Variants in MAB21L3 observed in about 807,000 individuals in gnomAD.
MAB21L3 encodes the protein mab-21 like 3, also known as protein mab-21-like 3.
MAB21L3 carries 36 observed loss-of-function variants against 37.7 expected under a neutral mutation model. That is an observed-to-expected ratio of 0.96 (90% confidence interval 0.73 to 1.26). The LOEUF is 1.26. Ranked by LOEUF, MAB21L3 falls within the 50% of genes most tolerant of loss-of-function variation. The probability of loss-of-function intolerance (pLI) is 0.00; values close to 1 mark genes in which losing one functional copy is unlikely to be tolerated. For synonymous variants in MAB21L3, 186 were observed against 176.8 expected, an observed-to-expected ratio of 1.05 and a Z score of -0.41; for missense variants, 430 against 447.3, an observed-to-expected ratio of 0.96 and a Z score of 0.35.
chr1:116,136,662 G>A lies in MAB21L3; in HGVS notation c.*3297G>A, dbSNP rs1660205146. On this transcript the variant is annotated 3_prime_UTR_variant, in exon 8 of 8. Transcript: ENST00000369500. ...ATGGAACCAAAAAAGAGCCTGCATTGCCAAGTCAATTCTAAGCCAAAAGAA... is the reference window on the plus strand; with the variant it reads ...ATGGAACCAAAAAAGAGCCTGCATTACCAAGTCAATTCTAAGCCAAAAGAA... Among the ~76,000 whole-genome samples the A allele has an allele frequency of 6.6e-6, 1 of 152,146 alleles. No individual in the cohort carries two copies. The highest frequency in any genetic ancestry group is 1.5e-5 in the Non-Finnish European group (1 of 68,044).
rs773287860 is a variant in MAB21L3, at chr1:116,117,158, C to CATATATATATATATATAT, written c.49-3771_49-3770insTATATATATATATATATA. On this transcript the variant is annotated intron_variant, in intron 3 of 7. Transcript: ENST00000369500. ...TTATTAACTCAGGAATCAAAATATA[C>CATATATATATATATATAT]ATACATATATATATATATATATATA... Among the ~76,000 whole-genome samples the CATATATATATATATATAT allele has an allele frequency of 1.7e-3, 146 of 85,994 alleles. 5 individuals are homozygous for CATATATATATATATATAT. Among genetic ancestry groups the CATATATATATATATATAT allele is most frequent in the Admixed American group, 6.4e-3 (50 of 7,822 alleles). The allele number at this position is 85,994 out of a possible 152,430, so 56.4% of individuals were successfully genotyped here. A position where few individuals can be genotyped will look rare whatever the true frequency, so the allele number is the denominator to read the frequency against.
Position 116,133,370 on chromosome 1 carries a change from T to G in MAB21L3, c.*5T>G. The G allele has an allele frequency of 6.2e-7, 1 of 1,612,526 alleles. No individual in the cohort carries two copies. Among genetic ancestry groups the G allele is most frequent in the Non-Finnish European group, 8.5e-7 (1 of 1,178,550 alleles). Reference sequence around the variant, plus strand: ...CCCCAGATCGGCCCGCCCTGATGGTTGCCCCGGCCTGGGAGGCTCTTGGAC... The same window carrying G: ...CCCCAGATCGGCCCGCCCTGATGGTGGCCCCGGCCTGGGAGGCTCTTGGAC... On this transcript the variant is annotated 3_prime_UTR_variant, in exon 8 of 8. Coordinates refer to ENST00000369500, the MANE Select transcript of MAB21L3 (RefSeq NM_152367.3).
rs531771373 is a variant in MAB21L3 at position 116,137,605 on chromosome 1, C to T, written c.*4240C>T. 9.3e-5 allele frequency among the ~76,000 whole-genome samples: 14 copies of T among 150,268 alleles called. No individual in the cohort carries two copies. The South Asian group carries it at 1.5e-3, about 16-fold the overall frequency. On this transcript the variant is annotated 3_prime_UTR_variant, in exon 8 of 8. Coordinates refer to ENST00000369500, the MANE Select transcript of MAB21L3 (RefSeq NM_152367.3). ...ATCTAGAACTAGAAATACCATTTGA[C>T]CCAGCCATCCCATTACTGGGTATAT...
chr1:116,133,479 C>A lies in MAB21L3; in HGVS notation c.*114C>A. 1 of 904,026 alleles carries A rather than the reference C, an allele frequency of 1.1e-6. No individual in the cohort carries two copies. Among genetic ancestry groups the A allele is most frequent in the Non-Finnish European group, 1.7e-6 (1 of 588,740 alleles). 56.0% of individuals were successfully genotyped at this position (904,026 alleles called of 1,614,324 possible). On this transcript the variant is annotated 3_prime_UTR_variant, in exon 8 of 8. Coordinates refer to ENST00000369500, the MANE Select transcript of MAB21L3 (RefSeq NM_152367.3). ...TGCCTAGGAGAAAGGCCACGAATGG[C>A]AGCGGAAATTACATCAAACCAGAAA...
intron 4 of MAB21L3, among the ~76,000 whole-genome samples, chr1:116,122,359 A>T (rs2101613121): frequency 6.6e-6 from 1 of 152,368 alleles, no homozygotes. Flanking sequence ...AGTGACTAGA[A>T]ATAGAGATAT....
chr1:116,122,656 G>C (rs1001597980), intron 4 of MAB21L3, among the ~76,000 whole-genome samples: 1 of 152,176 alleles, frequency 6.6e-6, no homozygotes, highest in African/African-American at 2.4e-5. Flanking sequence ...AACCTCCCAG[G>C]CTTAAGTGAT....
rs149144135 is a variant in MAB21L3, at chr1:116,125,379, A to G, written c.481+1022A>G. 9.5e-3 allele frequency among the ~76,000 whole-genome samples: 1,447 copies of G among 152,352 alleles called. 13 individuals are homozygous for G. Among genetic ancestry groups the G allele is most frequent in the Non-Finnish European group, 0.015 (1,021 of 68,028 alleles). ...ATTGTGCACCAGGATATTCTCTGCC[A>G]TAGGTTTTATAATAGTAAATAGCTA... On this transcript the variant is annotated intron_variant, in intron 5 of 7. Transcript: ENST00000369500.
chr1:116,124,426 T>C (rs1309634671), intron 5 of MAB21L3, 69 bp downstream of exon 5: 2 of 1,455,706 alleles, frequency 1.4e-6, no homozygotes, highest in Admixed American at 2.0e-5. Flanking sequence ...AAACCTCTGT[T>C]TGGGTGTTAC....
At chr1:116,118,245 G>C (rs1557928392) in intron 3 of MAB21L3, among the ~76,000 whole-genome samples, 1 of 152,054 alleles carries the variant, frequency 6.6e-6, no homozygotes, top group Non-Finnish European at 1.5e-5. Flanking sequence ...AGCCAGGTGT[G>C]GTGGCACGTG....
At chr1:116,129,298 T>A (rs561262186) in intron 7 of MAB21L3, among the ~76,000 whole-genome samples, 1 of 152,328 alleles carries the variant, frequency 6.6e-6, no homozygotes, top group African/African-American at 2.4e-5. Context: ...TCTCAAATTG[T>A]GAACCACACA....
At chr1:116,127,688 C>T in intron 6 of MAB21L3, 44 bp downstream of exon 6, 1 of 1,555,904 alleles carries the variant, frequency 6.4e-7, no homozygotes. Flanking sequence ...GTGATGCCAA[C>T]AGCTTAACCA....
At chr1:116,126,385 C>T (rs78141637) in intron 5 of MAB21L3, among the ~76,000 whole-genome samples, 11,166 of 152,188 alleles carry the variant, frequency 0.073, 503 homozygotes, top group East Asian at 0.14. Flanking sequence ...GGTTGGAAAA[C>T]GAGGCAATGG....
At chr1:116,117,026 C>T (rs1010086956) in intron 3 of MAB21L3, among the ~76,000 whole-genome samples, 10 of 151,838 alleles carry the variant, frequency 6.6e-5, no homozygotes, top group African/African-American at 1.2e-4. Context: ...CTACTCTTCA[C>T]GTGTGTTATG....
chr1:116,137,690 G>T lies in MAB21L3; in HGVS notation c.*4325G>T, dbSNP rs2101622827. ...CACATGCACACGTATGTTTATTGCGGCATTATTCACAATAGCAGACTTGGA... is the reference window on the plus strand; with the variant it reads ...CACATGCACACGTATGTTTATTGCGTCATTATTCACAATAGCAGACTTGGA... On this transcript the variant is annotated 3_prime_UTR_variant, in exon 8 of 8. Coordinates refer to ENST00000369500, the MANE Select transcript of MAB21L3 (RefSeq NM_152367.3). Among the ~76,000 whole-genome samples, 1 of 151,984 alleles carries T rather than the reference G, an allele frequency of 6.6e-6. No individual in the cohort carries two copies. The highest frequency in any genetic ancestry group is 1.5e-5 in the Non-Finnish European group (1 of 68,002).
intron 5 of MAB21L3, 114 bp from the exon 6 acceptor site, chr1:116,127,352 G>A (rs1192310795): frequency 4.1e-6 from 4 of 968,590 alleles, no homozygotes; most frequent in Non-Finnish European, 6.2e-6. Context: ...TGTGAAAGTT[G>A]CCACACCAGT....
chr1:116,131,072 T>C (rs934572846), intron 7 of MAB21L3, among the ~76,000 whole-genome samples: 1 of 152,244 alleles, frequency 6.6e-6, no homozygotes, highest in South Asian at 2.1e-4. Context: ...CTTCCTCTCA[T>C]GGGCTAGCCT....
chr1:116,117,162 C>CATATACATATATAT (rs1553230662), intron 3 of MAB21L3, among the ~76,000 whole-genome samples: 1 of 114,570 alleles, frequency 8.7e-6, no homozygotes, highest in African/African-American at 3.5e-5. Flanking sequence ...AATATACATA[C>CATATACATATATAT]ATATATATAT....
intron 3 of MAB21L3, among the ~76,000 whole-genome samples, chr1:116,120,422 C>G (rs1301882978): frequency 3.1e-4 from 40 of 127,156 alleles, no homozygotes; most frequent in Middle Eastern, 3.7e-3. Context: ...CACACACACA[C>G]ACACACACAA....
In MAB21L3 at chr1:116,133,287, C is replaced by T. The variant is rs764370983; in HGVS notation, c.1011C>T (p.Cys337=). The part of the protein sequence containing the change: ...YFVRNSNLFQ[C]TNPTELDTVA... ...TCCGGAACAGCAACCTCTTTCAGTG[C>T]ACCAACCCGACTGAACTGGACACTG... The change falls in exon 8 of 8, where the codon TGC becomes TGT. Residue 337 remains cysteine (C), a synonymous_variant. Coordinates refer to ENST00000369500, the MANE Select transcript of MAB21L3 (RefSeq NM_152367.3). The T allele has an allele frequency of 1.1e-5, 17 of 1,614,226 alleles. No individual in the cohort carries two copies. In the South Asian group the frequency reaches 1.2e-4, roughly 11 times the overall value.
Sources: allele counts gnomAD v4.1 joint callset (sites outside exome capture counted in the v4.1 genomes callset), GRCh38; gene constraint gnomAD v4.1.1; transcripts MANE v1.5; gene names NCBI Gene and HGNC (gene_info 2026-07-23, HGNC 2026-07-21).